Variants in RALGAPA2 observed in about 807,000 individuals in gnomAD.
RALGAPA2 encodes Ral GTPase activating protein catalytic subunit alpha 2.
In RALGAPA2, 139 loss-of-function variants were observed where a neutral mutation model predicts 230.4. That is an observed-to-expected ratio of 0.60 (90% CI 0.53 to 0.69). RALGAPA2 has a LOEUF of 0.69. RALGAPA2 is among the 30% of genes least tolerant of loss of function. RALGAPA2 has a pLI of 0.00. For missense variants in RALGAPA2, 2,163 were observed against 2,276.0 expected (o/e 0.95, Z 1.01); for synonymous variants, 847 against 837.8 (o/e 1.01, Z -0.19).
intron 31 of RALGAPA2, among the ~76,000 whole-genome samples, chr20:20,515,901 G>A (rs1179273958): frequency 6.6e-6 from 1 of 152,188 alleles, no homozygotes; most frequent in Admixed American, 6.5e-5. Flanking sequence ...GGGCAGACAG[G>A]AGGGGCACTA....
chr20:20,399,115 CG>C (rs935633692), intron 38 of RALGAPA2, among the ~76,000 whole-genome samples: 5 of 152,096 alleles, frequency 3.3e-5, no homozygotes, highest in Non-Finnish European at 5.9e-5. Flanking sequence ...GAGGCCAAGG[CG>C]GGTGGATCAC....
At chr20:20,678,770 A>G (rs1166887885) in intron 2 of RALGAPA2, among the ~76,000 whole-genome samples, 1 of 152,098 alleles carries the variant, frequency 6.6e-6, no homozygotes, top group African/African-American at 2.4e-5. Flanking sequence ...GTCACCTTCA[A>G]CAGCTCACCG....
chr20:20,550,576 G>A lies in RALGAPA2; in HGVS notation c.3157-3744C>T, dbSNP rs2063896452. 3.3e-5 allele frequency among the ~76,000 whole-genome samples: 5 copies of A among 152,156 alleles called. No homozygotes were observed. The East Asian group carries it at 5.8e-4, about 18-fold the overall frequency. On this transcript the variant is annotated intron_variant, in intron 23 of 39. Coordinates refer to ENST00000202677, the MANE Select transcript of RALGAPA2 (RefSeq NM_020343.4). ...ACTGTGTGATTCAATGCTATTCAGCGCTGCCTCCACTGAGATGGCTAGTGA... is the reference window on the plus strand; with the variant it reads ...ACTGTGTGATTCAATGCTATTCAGCACTGCCTCCACTGAGATGGCTAGTGA...
At chr20:20,489,403 TAAGA>T (rs1186056421) in intron 36 of RALGAPA2, among the ~76,000 whole-genome samples, 1 of 151,886 alleles carries the variant, frequency 6.6e-6, no homozygotes, top group African/African-American at 2.4e-5. Flanking sequence ...AATAAGAAAA[TAAGA>T]AAGAATAACC....
chr20:20,571,740 A>G lies in RALGAPA2; in HGVS notation c.3000+108T>C, dbSNP rs748434843. On this transcript the variant is annotated intron_variant, in intron 22 of 39. Coordinates refer to ENST00000202677, the MANE Select transcript of RALGAPA2 (RefSeq NM_020343.4). The stretch of plus-strand genomic sequence containing the variant: ...TGTGGGATGCAGTTACTTTAGTAAG[A>G]CCCAGCCTGTCTTCAAAACATGCAG... 254 of 1,457,952 alleles carry G rather than the reference A, an allele frequency of 1.7e-4. 1 individual carries two copies. Among genetic ancestry groups the G allele is most frequent in the Non-Finnish European group, 2.1e-4 (227 of 1,065,068 alleles). The allele number at this position is 1,457,952 out of a possible 1,614,324, so 90.3% of individuals were successfully genotyped here.
At chr20:20,416,191 A>G (rs2060161304) in intron 37 of RALGAPA2, among the ~76,000 whole-genome samples, 2 of 152,208 alleles carry the variant, frequency 1.3e-5, no homozygotes, top group Admixed American at 1.3e-4. Context: ...TCCAGCACAA[A>G]AAGAAAAGCA....
Position 20,584,902 on chromosome 20 carries a change from C to A in RALGAPA2, c.2493G>T (p.Leu831Phe). 1 of 1,611,958 alleles carries A rather than the reference C, an allele frequency of 6.2e-7. No individual in the cohort carries two copies. The highest frequency in any genetic ancestry group is 1.1e-5 in the South Asian group (1 of 90,824). Residue 831 changes from leucine to phenylalanine, a missense_variant, in exon 19 of 40, where the codon TTG (leucine) becomes TTT (phenylalanine). Physicochemically the swap from Leu to Phe is conservative, Grantham distance 22. Transcript: ENST00000202677. Reference protein sequence around the residue: ...SPAELDLKDDLQQTQGKCRER... With the variant: ...SPAELDLKDDFQQTQGKCRER... ...CCCTACATTTTCCTTGTGTCTGCTG[C>A]AAATCATCTTTCAAATCCAATTCAG...
At position 20,712,552 on chromosome 20, in the gene RALGAPA2, T is replaced by C. The variant is rs2069931985; in HGVS notation, c.-72A>G. 8.0e-6 allele frequency: 11 copies of C among 1,380,288 alleles called. No homozygotes were observed. Among genetic ancestry groups the C allele is most frequent in the South Asian group, 1.7e-5 (1 of 59,266 alleles). 85.5% of individuals were successfully genotyped at this position (1,380,288 alleles called of 1,614,324 possible). On this transcript the variant is annotated 5_prime_UTR_variant, in exon 1 of 40. Coordinates refer to ENST00000202677, the MANE Select transcript of RALGAPA2 (RefSeq NM_020343.4). The surrounding 1 kb of genome is among the most constrained non-coding windows in gnomAD (Gnocchi z 5.5). ...GCGCCACGCGAATCAAAGCATAGGG[T>C]CGAGGCCGGCGCGTGTCGCGCGGGC...
intron 24 of RALGAPA2, among the ~76,000 whole-genome samples, chr20:20,544,066 A>T (rs1421316670): frequency 1.3e-5 from 2 of 152,022 alleles, no homozygotes; most frequent in Non-Finnish European, 1.5e-5. Flanking sequence ...TGGTCATTAG[A>T]GAAATGCAAA....
chr20:20,577,938 G>C lies in RALGAPA2; in HGVS notation c.2708-4870C>G, dbSNP rs889782597. On this transcript the variant is annotated intron_variant, in intron 20 of 39. Transcript: ENST00000202677. ...AGATTTGCTTGAGTAACCACTCCAA[G>C]TACATGTAGACAGATACCTCATCAT... is the stretch of plus-strand genomic sequence containing the variant. 8.5e-5 allele frequency among the ~76,000 whole-genome samples: 13 copies of C among 152,196 alleles called. No homozygotes were observed. In the South Asian group the frequency reaches 1.2e-3, roughly 15 times the overall value.
intron 26 of RALGAPA2, among the ~76,000 whole-genome samples, chr20:20,533,680 G>A (rs566534951): frequency 5.3e-5 from 8 of 151,952 alleles, no homozygotes; most frequent in Admixed American, 3.9e-4. Context: ...CAAAGAACTG[G>A]GCATTCATTT....
In RALGAPA2 at chr20:20,629,600, A is replaced by C; in HGVS notation, c.1006-10T>G. ...CACCACCACCAACAGTCTGGAAGAA[A>C]GTCAGCACACTTCTCAATGATGCTC... On this transcript the variant is annotated splice_polypyrimidine_tract_variant and intron_variant, in intron 9 of 39. Transcript: ENST00000202677. 4 of 1,612,366 alleles carry C rather than the reference A, an allele frequency of 2.5e-6. No homozygotes were observed. Among genetic ancestry groups the C allele is most frequent in the Non-Finnish European group, 3.4e-6 (4 of 1,179,530 alleles).
intron 1 of RALGAPA2, among the ~76,000 whole-genome samples, chr20:20,705,071 C>T (rs960666742): frequency 2.6e-5 from 4 of 152,228 alleles, no homozygotes; most frequent in African/African-American, 7.2e-5. Context: ...AAAACCCTCA[C>T]GGTAAATTTC....
At chr20:20,655,592 A>G (rs1468507727) in intron 3 of RALGAPA2, among the ~76,000 whole-genome samples, 1 of 151,686 alleles carries the variant, frequency 6.6e-6, no homozygotes, top group Admixed American at 6.6e-5. Context: ...GGCAGTGAGA[A>G]GGGGAGGAGA....
rs1368349351 is a variant in RALGAPA2 at position 20,643,490 on chromosome 20, AC to A, written c.372+15del. On this transcript the variant is annotated intron_variant, in intron 5 of 39. Coordinates refer to ENST00000202677, the MANE Select transcript of RALGAPA2 (RefSeq NM_020343.4). Reference sequence around the variant, plus strand: ...TAAGAGTAATAAAAAATGTCATTACACAATAAAATAAATACCTTAATAGAAT... The same window carrying A: ...TAAGAGTAATAAAAAATGTCATTACAAATAAAATAAATACCTTAATAGAAT... The A allele has an allele frequency of 1.4e-6, 2 of 1,466,884 alleles. No homozygotes were observed. The highest frequency in any genetic ancestry group is 1.8e-6 in the Non-Finnish European group (2 of 1,090,860). 90.9% of individuals were successfully genotyped at this position (1,466,884 alleles called of 1,614,324 possible). A position where few individuals can be genotyped will look rare whatever the true frequency, so the allele number is the denominator to read the frequency against.
chr20:20,402,647 G>A (rs2122687468), intron 38 of RALGAPA2, among the ~76,000 whole-genome samples: 1 of 152,318 alleles, frequency 6.6e-6, no homozygotes, highest in East Asian at 1.9e-4. Context: ...TATTGTATAA[G>A]CATAACATCT....
At chr20:20,546,879 A>G (rs751455626) in intron 23 of RALGAPA2, 47 bp from the exon 24 acceptor site, 2 of 1,523,638 alleles carry the variant, frequency 1.3e-6, no homozygotes, top group East Asian at 2.3e-5. Flanking sequence ...TTCAAACACA[A>G]AATTCCAAAG....
At chr20:20,688,872 A>G (rs1223196140) in intron 1 of RALGAPA2, among the ~76,000 whole-genome samples, 1 of 152,224 alleles carries the variant, frequency 6.6e-6, no homozygotes, top group Admixed American at 6.5e-5. Context: ...GGACCAAAAA[A>G]GATTCCTCCA....
chr20:20,619,342 T>G lies in RALGAPA2; in HGVS notation c.1474A>C (p.Ser492Arg). 6.2e-7 allele frequency: 1 copy of G among 1,612,526 alleles called. No homozygotes were observed. The change falls in exon 12 of 40, where the codon AGC becomes CGC. Residue 492 changes from serine to arginine, a missense_variant. Coordinates refer to ENST00000202677, the MANE Select transcript of RALGAPA2 (RefSeq NM_020343.4). ...TCCTCCTCTGTCACACACCCTCTGC[T>G]CATTGCACTTGTGAAGGAGTATGTG... is the stretch of plus-strand genomic sequence containing the variant. ...GRTYSFTSAMSRGCVTEEENT... is the reference protein window; with the variant it reads ...GRTYSFTSAMRRGCVTEEENT...
Sources: allele counts gnomAD v4.1 joint callset (sites outside exome capture counted in the v4.1 genomes callset), GRCh38; gene constraint gnomAD v4.1.1; non-coding constraint Gnocchi (gnomAD v3.1); transcripts MANE v1.5; gene names NCBI Gene and HGNC (gene_info 2026-07-23, HGNC 2026-07-21).